Variants in CHST9 observed in about 807,000 individuals in gnomAD.
CHST9 encodes the protein GalNAc-4-sulfotransferase 2.
In CHST9, 41 loss-of-function variants were observed where a neutral mutation model predicts 44.4. That is an observed-to-expected ratio of 0.92 (90% CI 0.72 to 1.20). CHST9 has a LOEUF of 1.20. Among genes scored for constraint, CHST9 ranks in the 50% most tolerant of loss-of-function variants. The pLI is 0.00. For synonymous variants in CHST9, 171 were observed against 178.4 expected, an observed-to-expected ratio of 0.96 and a Z score of 0.33; for missense variants, 504 against 516.5, an observed-to-expected ratio of 0.98 and a Z score of 0.23.
At chr18:26,972,008 G>T (rs1282495548) in intron 4 of CHST9, among the ~76,000 whole-genome samples, 1 of 152,152 alleles carries the variant, frequency 6.6e-6, no homozygotes, top group East Asian at 1.9e-4. Context: ...GTTTGGTGAG[G>T]AGGTTGTGAT....
chr18:26,925,329 T>A (rs562055320), intron 5 of CHST9, among the ~76,000 whole-genome samples: 2 of 152,312 alleles, frequency 1.3e-5, no homozygotes, highest in African/African-American at 2.4e-5. Context: ...CAAGCTGGTT[T>A]AATCACTGCA....
chr18:26,990,282 G>T (rs2056801066), intron 4 of CHST9, among the ~76,000 whole-genome samples: 1 of 152,114 alleles, frequency 6.6e-6, no homozygotes, highest in Non-Finnish European at 1.5e-5. Flanking sequence ...TGTGCAATTT[G>T]TTGTATATTA....
At chr18:27,088,800 C>G (rs2058038177) in intron 2 of CHST9, among the ~76,000 whole-genome samples, 2 of 152,122 alleles carry the variant, frequency 1.3e-5, no homozygotes, top group Non-Finnish European at 2.9e-5. Flanking sequence ...GAGATAGATG[C>G]ACAGATTTAG....
intron 4 of CHST9, among the ~76,000 whole-genome samples, chr18:26,997,778 C>A (rs1390635206): frequency 6.6e-6 from 1 of 152,130 alleles, no homozygotes; most frequent in Admixed American, 6.5e-5. Context: ...TGGGTAATAT[C>A]ACTGTCTTCA....
intron 4 of CHST9, among the ~76,000 whole-genome samples, chr18:27,020,613 C>A (rs1242924044): frequency 6.6e-6 from 1 of 152,180 alleles, no homozygotes; most frequent in Non-Finnish European, 1.5e-5. Context: ...TAGCACCTTG[C>A]ATTTGATATA....
chr18:27,010,477 A>G (rs1474729077), intron 4 of CHST9, among the ~76,000 whole-genome samples: 1 of 152,196 alleles, frequency 6.6e-6, no homozygotes. Context: ...CCACCAGGAC[A>G]GAGACAGGGC....
intron 2 of CHST9, among the ~76,000 whole-genome samples, chr18:27,141,062 T>C (rs1257582739): frequency 6.6e-6 from 1 of 151,430 alleles, no homozygotes; most frequent in Non-Finnish European, 1.5e-5. Context: ...AGCTCAGGAG[T>C]TCAAGACGAG....
intron 1 of CHST9, among the ~76,000 whole-genome samples, chr18:27,173,375 G>T (rs1479264485): frequency 6.6e-6 from 1 of 152,002 alleles, no homozygotes; most frequent in African/African-American, 2.4e-5. Context: ...ATTCTGCTAG[G>T]TTGTAGACAT....
chr18:27,078,841 AT>A (rs1201194840), intron 2 of CHST9, among the ~76,000 whole-genome samples: 1 of 152,208 alleles, frequency 6.6e-6, no homozygotes, highest in African/African-American at 2.4e-5. Flanking sequence ...ACTTTTGACC[AT>A]CAAAGTGCCA....
At chr18:26,928,463 G>C (rs2055817412) in intron 5 of CHST9, 1 of 152,106 alleles carries the variant, frequency 6.6e-6, no homozygotes, top group South Asian at 2.1e-4. Flanking sequence ...GCGTCAGATT[G>C]CCTAGGTCTT....
intron 4 of CHST9, among the ~76,000 whole-genome samples, chr18:26,975,132 A>G (rs1281652681): frequency 6.6e-6 from 1 of 152,074 alleles, no homozygotes; most frequent in Non-Finnish European, 1.5e-5. Flanking sequence ...TGTTGTTTAA[A>G]TCTACTGTTT....
At chr18:27,118,053 T>A (rs1367801622) in intron 2 of CHST9, among the ~76,000 whole-genome samples, 1 of 152,208 alleles carries the variant, frequency 6.6e-6, no homozygotes. Flanking sequence ...TTGCCAGCAT[T>A]TGTGGTGTCA....
At chr18:27,097,828 A>G (rs990509411) in intron 2 of CHST9, among the ~76,000 whole-genome samples, 2 of 152,098 alleles carry the variant, frequency 1.3e-5, no homozygotes. Flanking sequence ...AGCACCATTT[A>G]TTAAATAGGG....
At chr18:27,008,427 T>C (rs1417390056) in intron 4 of CHST9, among the ~76,000 whole-genome samples, 1 of 152,222 alleles carries the variant, frequency 6.6e-6, no homozygotes, top group African/African-American at 2.4e-5. Flanking sequence ...AATGATAGCA[T>C]ATCACATATA....
chr18:27,147,384 G>C (rs936924317), intron 1 of CHST9, among the ~76,000 whole-genome samples: 2 of 152,064 alleles, frequency 1.3e-5, no homozygotes, highest in African/African-American at 4.8e-5. Flanking sequence ...ATGATTTTAA[G>C]GAAGGAGTGG....
chr18:27,058,006 AC>A (rs1258497456), intron 2 of CHST9, among the ~76,000 whole-genome samples: 8 of 152,188 alleles, frequency 5.3e-5, no homozygotes, highest in Non-Finnish European at 1.0e-4. Context: ...CTTAGAGTAA[AC>A]CTTTTGATAT....
intron 4 of CHST9, among the ~76,000 whole-genome samples, chr18:26,955,226 T>G (rs546471166): frequency 2.5e-4 from 8 of 32,254 alleles, no homozygotes; most frequent in African/African-American, 8.2e-4. Context: ...AGAATTCTGT[T>G]TTTTTTTTTT....
chr18:27,130,891 T>C (rs982446316), intron 2 of CHST9, among the ~76,000 whole-genome samples: 2 of 151,898 alleles, frequency 1.3e-5, no homozygotes, highest in Non-Finnish European at 2.9e-5. Flanking sequence ...GCTACAAATA[T>C]GAAAATGGAA....
chr18:27,039,694 A>C (rs1197785442), intron 3 of CHST9, among the ~76,000 whole-genome samples: 1 of 152,184 alleles, frequency 6.6e-6, no homozygotes, highest in Admixed American at 6.5e-5. Context: ...TAAAAAATAA[A>C]TAAATAATTT....
Sources: gnomAD v4.1 joint callset for allele counts (sites outside exome capture counted in the v4.1 genomes callset) on GRCh38, gnomAD v4.1.1 for gene constraint, MANE v1.5 for transcripts, NCBI Gene and HGNC (gene_info 2026-07-23, HGNC 2026-07-21) for gene names.